SNTG1: variants seen among roughly 807,000 people sequenced by gnomAD.
SNTG1 encodes the protein syntrophin gamma 1, also known as gamma-1-syntrophin.
SNTG1 carries 39 observed loss-of-function variants against 74.7 expected under a neutral mutation model. That is an observed-to-expected ratio of 0.52 (90% CI 0.40 to 0.68). SNTG1 has a LOEUF of 0.68. Among genes scored for constraint, SNTG1 ranks in the 30% least tolerant of loss-of-function variants. The pLI is 0.00. For missense variants in SNTG1, 685 were observed against 609.5 expected (o/e 1.12, Z -1.30); for synonymous variants, 254 against 217.1 (o/e 1.17, Z -1.49).
chr8:49,997,608 G>A (rs929132636), intron 1 of SNTG1, among the ~76,000 whole-genome samples: 1 of 152,026 alleles, frequency 6.6e-6, no homozygotes, highest in African/African-American at 2.4e-5. Context: ...AGACCTAGTG[G>A]ATTAGCAATG....
rs182613855 is a variant in SNTG1, at chr8:50,642,022, A to G, written c.850-14887A>G. ...TCAAATTTATTTCTTCGTATTTTCT[A>G]TTTCTTTCTAAAATAACCACAGTCT... is the stretch of plus-strand genomic sequence containing the variant. On this transcript the variant is annotated intron_variant, in intron 13 of 18. Coordinates refer to ENST00000642720, the MANE Select transcript of SNTG1 (RefSeq NM_018967.5). Among the ~76,000 whole-genome samples the G allele has an allele frequency of 1.5e-3, 230 of 152,236 alleles. 2 individuals carry two copies. In the South Asian group the frequency reaches 0.025, roughly 16 times the overall value.
chr8:50,569,057 T>G (rs2094532245), intron 12 of SNTG1: 1 of 152,220 alleles, frequency 6.6e-6, no homozygotes, highest in African/African-American at 2.4e-5. Context: ...TTGGTAGTTC[T>G]TCTCATTCTG....
At chr8:50,194,237 T>A (rs6986896) in intron 2 of SNTG1, among the ~76,000 whole-genome samples, 65,758 of 151,972 alleles carry the variant, frequency 0.43, 17,971 homozygotes, top group African/African-American at 0.78. Flanking sequence ...TAGTGTTCAA[T>A]AAGATTGGTA....
chr8:50,704,639 G>C lies in SNTG1; in HGVS notation c.1078G>C (p.Val360Leu). The change falls in exon 16 of 19, where the codon GTG becomes CTG. Residue 360 changes from valine to leucine, a missense_variant. Coordinates refer to ENST00000642720, the MANE Select transcript of SNTG1 (RefSeq NM_018967.5). ...LLDRRKQCFT[V>L]QSESGEDLYF... is the part of the protein sequence containing the mutation. ...GGACCGACGGAAACAGTGCTTCACC[G>C]TGCAGTCTGAGTCTGGGGAGGACCT... 6.2e-7 allele frequency: 1 copy of C among 1,614,072 alleles called. No individual in the cohort carries two copies. The highest frequency in any genetic ancestry group is 8.5e-7 in the Non-Finnish European group (1 of 1,180,000).
chr8:50,433,677 A>C (rs980709881), intron 4 of SNTG1, among the ~76,000 whole-genome samples: 1 of 152,170 alleles, frequency 6.6e-6, no homozygotes, highest in Admixed American at 6.5e-5. Context: ...TGTGATAATT[A>C]CTTAGAATAA....
intron 8 of SNTG1, among the ~76,000 whole-genome samples, chr8:50,457,314 G>A (rs1227631441): frequency 2.6e-5 from 4 of 152,138 alleles, no homozygotes; most frequent in African/African-American, 9.7e-5. Context: ...GGGCCTCAGT[G>A]GATGACAACG....
intron 15 of SNTG1, among the ~76,000 whole-genome samples, chr8:50,667,331 G>A (rs1470374053): frequency 6.6e-6 from 1 of 151,982 alleles, no homozygotes; most frequent in Non-Finnish European, 1.5e-5. Context: ...GAGGCCATTT[G>A]TCTTTATCTG....
chr8:50,779,103 T>C (rs2095650326), intron 18 of SNTG1, among the ~76,000 whole-genome samples: 1 of 152,168 alleles, frequency 6.6e-6, no homozygotes, highest in South Asian at 2.1e-4. Context: ...TTGGTTACTG[T>C]AGCCTTGTAG....
At chr8:50,548,455 G>T (rs999821438) in intron 11 of SNTG1, among the ~76,000 whole-genome samples, 1 of 152,142 alleles carries the variant, frequency 6.6e-6, no homozygotes, top group Non-Finnish European at 1.5e-5. Context: ...GAGCTGTCTT[G>T]GATAACATCA....
intron 1 of SNTG1, among the ~76,000 whole-genome samples, chr8:50,010,509 A>G (rs192226739): frequency 3.7e-4 from 57 of 152,302 alleles, no homozygotes; most frequent in Non-Finnish European, 6.0e-4. Context: ...ATCTGAATGT[A>G]TGATAGGATT....
intron 1 of SNTG1, among the ~76,000 whole-genome samples, chr8:50,053,180 A>T (rs1819724135): frequency 6.6e-6 from 1 of 152,168 alleles, no homozygotes; most frequent in Non-Finnish European, 1.5e-5. Flanking sequence ...AATGATCCAA[A>T]TGACCATTAA....
chr8:50,060,098 C>A (rs1436136048), intron 1 of SNTG1, among the ~76,000 whole-genome samples: 2 of 152,056 alleles, frequency 1.3e-5, no homozygotes, highest in East Asian at 3.9e-4. Flanking sequence ...TTCCTGATGG[C>A]TAATGATGGG....
chr8:50,457,064 G>A (rs765912985), intron 8 of SNTG1: 62 of 152,142 alleles, frequency 4.1e-4, no homozygotes, highest in Admixed American at 2.7e-3. Context: ...GTATGACAAC[G>A]GAGATTTTAA....
intron 12 of SNTG1, among the ~76,000 whole-genome samples, chr8:50,560,107 A>G (rs1285647011): frequency 1.3e-5 from 2 of 152,196 alleles, no homozygotes; most frequent in East Asian, 1.9e-4. Context: ...GCCAAAAAAC[A>G]TATTAAAAAA....
At position 50,625,334 on chromosome 8, in the gene SNTG1, C is replaced by G. The variant is rs576151082; in HGVS notation, c.850-31575C>G. Among the ~76,000 whole-genome samples, 7 of 152,298 alleles carry G rather than the reference C, an allele frequency of 4.6e-5. No homozygotes were observed. The South Asian group carries it at 1.5e-3, about 32-fold the overall frequency. On this transcript the variant is annotated intron_variant, in intron 13 of 18. Transcript: ENST00000642720. ...ATCAATGCAGATACAAGAGGTTTCCCACTTCCCTTTTTGTAAGCACTGTAT... is the reference window on the plus strand; with the variant it reads ...ATCAATGCAGATACAAGAGGTTTCCGACTTCCCTTTTTGTAAGCACTGTAT...
At chr8:49,992,042 T>C (rs988384917) in intron 1 of SNTG1, among the ~76,000 whole-genome samples, 1 of 152,222 alleles carries the variant, frequency 6.6e-6, no homozygotes, top group Non-Finnish European at 1.5e-5. Flanking sequence ...TATACTGTAC[T>C]GTTTCCACGC....
intron 18 of SNTG1, among the ~76,000 whole-genome samples, chr8:50,765,583 G>A (rs1456689484): frequency 3.3e-5 from 5 of 151,920 alleles, no homozygotes; most frequent in Non-Finnish European, 7.4e-5. Flanking sequence ...ATAAGGAAAA[G>A]TACATCTATT....
chr8:50,232,790 A>C (rs890346041), intron 2 of SNTG1, among the ~76,000 whole-genome samples: 1 of 151,612 alleles, frequency 6.6e-6, no homozygotes, highest in Non-Finnish European at 1.5e-5. Context: ...ATATACTAGC[A>C]ATACATTGAA....
chr8:50,012,395 A>G lies in SNTG1; in HGVS notation c.-103+100164A>G, dbSNP rs369434501. Among the ~76,000 whole-genome samples the G allele has an allele frequency of 1.1e-4, 16 of 152,322 alleles. No homozygotes were observed. In the East Asian group the frequency reaches 2.3e-3, roughly 22 times the overall value. ...CATCATTACCCTATGTGACCACAAAAAGGGTGAACCAGAAAAATGCTAGGA... is the reference window on the plus strand; with the variant it reads ...CATCATTACCCTATGTGACCACAAAGAGGGTGAACCAGAAAAATGCTAGGA... On this transcript the variant is annotated intron_variant, in intron 1 of 18. Transcript: ENST00000642720.
Sources: gnomAD v4.1 joint callset for allele counts (sites outside exome capture counted in the v4.1 genomes callset) on GRCh38, gnomAD v4.1.1 for gene constraint, MANE v1.5 for transcripts, NCBI Gene and HGNC (gene_info 2026-07-23, HGNC 2026-07-21) for gene names.